The following SLC1A3 variants were observed in gnomAD, a reference collection of about 807,000 sequenced individuals.
SLC1A3 encodes the protein solute carrier family 1 member 3, also known as excitatory amino acid transporter 1.
SLC1A3 carries 21 observed loss-of-function variants against 48.1 expected under a neutral mutation model. The observed-to-expected ratio is 0.44, with a 90% CI of 0.31 to 0.63. The LOEUF is 0.63. SLC1A3 is among the 20% of genes least tolerant of loss of function. The pLI is 0.08. For missense variants in SLC1A3, 546 were observed against 689.0 expected (o/e 0.79, Z 2.32); for synonymous variants, 239 against 251.4 (o/e 0.95, Z 0.47).
rs377688880 is a variant in SLC1A3 at position 36,666,918 on chromosome 5, A to G, written c.320-4111A>G. On this transcript the variant is annotated intron_variant, in intron 3 of 9. Coordinates refer to ENST00000265113, the MANE Select transcript of SLC1A3 (RefSeq NM_004172.5). ...GTCTTTATAATTACCTATTTGCTCA[A>G]GAAACTCCCTTCCTTTCCTCTCTCT... Among the ~76,000 whole-genome samples the G allele has an allele frequency of 1.9e-4, 29 of 152,286 alleles. No individual in the cohort carries two copies. The East Asian group carries it at 5.2e-3, about 27-fold the overall frequency.
chr5:36,653,602 A>G (rs1404692781), intron 3 of SLC1A3, among the ~76,000 whole-genome samples: 1 of 152,224 alleles, frequency 6.6e-6, no homozygotes, highest in Non-Finnish European at 1.5e-5. Context: ...ATAGTTTAGT[A>G]GAGTTTCCCA....
At chr5:36,639,074 G>A (rs762203830) in intron 3 of SLC1A3, among the ~76,000 whole-genome samples, 5 of 152,208 alleles carry the variant, frequency 3.3e-5, no homozygotes, top group Non-Finnish European at 7.3e-5. Flanking sequence ...GGTAACAACC[G>A]TTAACAGTGC....
At chr5:36,610,767 A>G (rs1413521478) in intron 2 of SLC1A3, among the ~76,000 whole-genome samples, 2 of 152,256 alleles carry the variant, frequency 1.3e-5, no homozygotes, top group Non-Finnish European at 2.9e-5. Flanking sequence ...CTTTCCTAAG[A>G]TTTGTGAGAA....
chr5:36,633,610 C>A (rs1181670800), intron 3 of SLC1A3, among the ~76,000 whole-genome samples: 1 of 152,128 alleles, frequency 6.6e-6, no homozygotes, highest in Non-Finnish European at 1.5e-5. Flanking sequence ...TTCCCTGCAT[C>A]CCTTAATTCA....
intron 2 of SLC1A3, among the ~76,000 whole-genome samples, chr5:36,622,869 G>A (rs1335825735): frequency 2.6e-5 from 4 of 151,490 alleles, no homozygotes; most frequent in South Asian, 4.2e-4. Context: ...AAAATTAGCC[G>A]GGTGTGGTGG....
chr5:36,611,431 T>G (rs1361245758), intron 2 of SLC1A3, among the ~76,000 whole-genome samples: 1 of 151,606 alleles, frequency 6.6e-6, no homozygotes, highest in Admixed American at 6.6e-5. Context: ...GATAAAGACA[T>G]GTGAATCCAT....
upstream of SLC1A3, among the ~76,000 whole-genome samples, chr5:36,603,446 T>C (rs1561230583): frequency 6.6e-6 from 1 of 152,260 alleles, no homozygotes; most frequent in Admixed American, 6.5e-5. Context: ...AACACAGTGG[T>C]TGCTCAATGT....
At chr5:36,648,955 A>G (rs1740944910) in intron 3 of SLC1A3, among the ~76,000 whole-genome samples, 1 of 152,256 alleles carries the variant, frequency 6.6e-6, no homozygotes, top group South Asian at 2.1e-4. Context: ...CCGACTGTAC[A>G]GTGCTATAAT....
At chr5:36,675,379 A>T (rs1215629782) in intron 5 of SLC1A3, among the ~76,000 whole-genome samples, 1 of 152,206 alleles carries the variant, frequency 6.6e-6, no homozygotes, top group African/African-American at 2.4e-5. Context: ...CGATTCCAGT[A>T]AGTCAGCTGG....
chr5:36,601,445 G>A (rs1738806597), upstream of SLC1A3, among the ~76,000 whole-genome samples: 1 of 152,198 alleles, frequency 6.6e-6, no homozygotes, highest in Non-Finnish European at 1.5e-5. Flanking sequence ...AAACAATCTA[G>A]TCTAACCTAG....
At chr5:36,605,783 T>G (rs9292636), upstream of SLC1A3, among the ~76,000 whole-genome samples, 127,039 of 152,146 alleles carry the variant, frequency 0.83, 53,201 homozygotes, top group East Asian at 0.89. Flanking sequence ...GACTAGAAGC[T>G]CAAGTTACCT....
chr5:36,684,137 T>C (rs149806043), intron 9 of SLC1A3, 139 bp downstream of exon 9: 3 of 1,103,634 alleles, frequency 2.7e-6, no homozygotes, highest in African/African-American at 1.5e-5. Flanking sequence ...ATTGTCCTTA[T>C]TGTCTGACCC....
intron 3 of SLC1A3, among the ~76,000 whole-genome samples, chr5:36,647,392 CTGG>C (rs1740880963): frequency 6.6e-6 from 1 of 152,202 alleles, no homozygotes; most frequent in Non-Finnish European, 1.5e-5. Flanking sequence ...ATGAATTTCT[CTGG>C]AGTAAAGCAT....
chr5:36,663,381 T>G (rs928648525), intron 3 of SLC1A3, among the ~76,000 whole-genome samples: 2 of 28,524 alleles, frequency 7.0e-5, no homozygotes, highest in South Asian at 1.5e-3. Flanking sequence ...ACGCCCGGCA[T>G]TTTTTTTTTT....
intron 3 of SLC1A3, among the ~76,000 whole-genome samples, chr5:36,637,979 A>C (rs1241254557): frequency 6.6e-6 from 1 of 151,800 alleles, no homozygotes; most frequent in Non-Finnish European, 1.5e-5. Flanking sequence ...CATGGTTGAA[A>C]ACTACCACTT....
At chr5:36,685,841 T>C (rs1742621514) in intron 9 of SLC1A3, among the ~76,000 whole-genome samples, 1 of 152,252 alleles carries the variant, frequency 6.6e-6, no homozygotes, top group South Asian at 2.1e-4. Flanking sequence ...GTTGGGACTC[T>C]CACTTCAGTC....
intron 3 of SLC1A3, chr5:36,669,822 G>A (rs1435679921): frequency 6.6e-6 from 1 of 151,946 alleles, no homozygotes; most frequent in Non-Finnish European, 1.5e-5. Context: ...AATATTTAGA[G>A]TTCACACAAA....
At chr5:36,614,905 C>T (rs1182386522) in intron 2 of SLC1A3, among the ~76,000 whole-genome samples, 4 of 152,134 alleles carry the variant, frequency 2.6e-5, no homozygotes, top group South Asian at 2.1e-4. Flanking sequence ...TCTCTGGATT[C>T]TATTTTGCTC....
At position 36,597,389 on chromosome 5, in the gene SLC1A3, G is replaced by T. The variant is rs1329592192; in HGVS notation, c.-96+711G>T. On this transcript the variant is annotated intron_variant, in intron 1 of 9. Coordinates refer to the SLC1A3 transcript ENST00000680318. The stretch of plus-strand genomic sequence containing the variant: ...AGCCTCCCCAGCAGCTGGGACAGGG[G>T]CACGCCGCCACGCCCGGCTAGTTTT... 1.4e-3 allele frequency among the ~76,000 whole-genome samples: 206 copies of T among 151,682 alleles called. 1 individual carries two copies. The highest frequency in any genetic ancestry group is 3.4e-3 in the Middle Eastern group (1 of 292).
Sources: gnomAD v4.1 joint callset for allele counts (sites outside exome capture counted in the v4.1 genomes callset) on GRCh38, gnomAD v4.1.1 for gene constraint, MANE v1.5 for transcripts, NCBI Gene and HGNC (gene_info 2026-07-23, HGNC 2026-07-21) for gene names.